LYST: variants seen among roughly 807,000 people sequenced by gnomAD.
LYST encodes the protein lysosomal trafficking regulator, also known as lysosomal-trafficking regulator.
Under a neutral mutation model 413.6 loss-of-function variants are expected in LYST, and 192 were observed. The observed-to-expected ratio is 0.46, with a 90% CI of 0.41 to 0.52. The LOEUF (loss-of-function observed/expected upper bound fraction) is 0.52, where lower values mean the gene tolerates loss of function less well. Among genes scored for constraint, LYST ranks in the 20% least tolerant of loss-of-function variants. The probability of loss-of-function intolerance (pLI) is 0.00; values close to 1 mark genes in which losing one functional copy is unlikely to be tolerated. For synonymous variants in LYST, 1,525 were observed against 1,567.3 expected (o/e 0.97, Z 0.64); for missense variants, 3,815 against 4,499.9 (o/e 0.85, Z 4.35).
At chr1:235,732,676 G>A (rs1370751011) in intron 34 of LYST, among the ~76,000 whole-genome samples, 3 of 152,202 alleles carry the variant, frequency 2.0e-5, no homozygotes, top group African/African-American at 4.8e-5. Context: ...GGTATCTAGA[G>A]GTTCTAGAAA....
intron 31 of LYST, 77 bp downstream of exon 31, chr1:235,741,345 A>G (rs1227596560): frequency 4.1e-6 from 5 of 1,211,014 alleles, no homozygotes; most frequent in Non-Finnish European, 4.9e-6. Flanking sequence ...CATTCAGTTT[A>G]ATTTCAGTTC....
intron 31 of LYST, 167 bp from the exon 32 acceptor site, chr1:235,734,826 C>T (rs1664681196): frequency 1.8e-6 from 1 of 541,668 alleles, no homozygotes; most frequent in Non-Finnish European, 3.3e-6. Flanking sequence ...TGATTATGCA[C>T]TGAGTATTTG....
At chr1:235,706,456 T>C (rs1246814022) in intron 44 of LYST, among the ~76,000 whole-genome samples, 2 of 152,188 alleles carry the variant, frequency 1.3e-5, no homozygotes, top group African/African-American at 4.8e-5. Flanking sequence ...TGACATTCCA[T>C]TCCTCATCAA....
rs1439304604 is a variant in LYST at position 235,692,537 on chromosome 1, T to C, written c.10701+813A>G. Among the ~76,000 whole-genome samples, 3 of 151,538 alleles carry C rather than the reference T, an allele frequency of 2.0e-5. No homozygotes were observed. In the East Asian group the frequency reaches 6.0e-4, roughly 30 times the overall value. The stretch of plus-strand genomic sequence containing the variant: ...CTGGAATTACAGGAATGTGCCACCA[T>C]GCCTGGCTAATTTTTTTTGTATTTT... On this transcript the variant is annotated intron_variant, in intron 47 of 52. Coordinates refer to ENST00000389793, the MANE Select transcript of LYST (RefSeq NM_000081.4).
chr1:235,726,871 A>C, intron 38 of LYST, among the ~76,000 whole-genome samples: 1 of 152,190 alleles, frequency 6.6e-6, no homozygotes, highest in East Asian at 1.9e-4. Context: ...AAGGGGAAAA[A>C]CTGTCATCTT....
rs1194116562 is a variant in LYST at position 235,728,131 on chromosome 1, C to A, written c.9107G>T (p.Gly3036Val). 4 of 1,609,360 alleles carry A rather than the reference C, an allele frequency of 2.5e-6. No homozygotes were observed. ...TTCCACAAAATACATTCCACATTTACCTGCAGAAAGTAATTGGATATAAGG... is the reference window on the plus strand; with the variant it reads ...TTCCACAAAATACATTCCACATTTAACTGCAGAAAGTAATTGGATATAAGG... ...SRETAGELLL[G>V]KCGMYFVEDN... The change falls in exon 38 of 53, where the codon GGT (glycine) becomes GTT (valine). Residue 3036 changes from glycine (G) to valine (V), a missense_variant and splice_region_variant. By Grantham distance (109) the Gly-to-Val change is moderately radical (BLOSUM62 -3). This residue lies in a region of LYST where 866 missense variants were observed against 1,156.0 expected (regional missense o/e 0.75). Transcript: ENST00000389793.
Position 235,791,721 on chromosome 1 carries a change from T to G in LYST, c.4521A>C (p.Pro1507=). The change falls in exon 12 of 53, where the codon CCA becomes CCC. Residue 1507 remains proline (P), a synonymous_variant. Transcript: ENST00000389793. ...TACCTGTACCATCAAAACTGCTATC[T>G]GGTAAAATTAATGATTTGTTTCTTT... is the stretch of plus-strand genomic sequence containing the variant. ...IKKRNKSLIL[P]DSSFDGTESD... is the part of the protein sequence containing the mutation. 6.2e-7 allele frequency: 1 copy of G among 1,612,622 alleles called. No individual in the cohort carries two copies. Among genetic ancestry groups the G allele is most frequent in the Non-Finnish European group, 8.5e-7 (1 of 1,178,878 alleles).
At position 235,830,364 on chromosome 1, in the gene LYST, C is replaced by T. The variant is rs779559728; in HGVS notation, c.54G>A (p.Arg18=). ...CCCTCTGGACCACTGCATTGCAAAG[C>T]CGGTTGACATCGGTCAGAAATTCAC... is the stretch of plus-strand genomic sequence containing the variant. ...LAREFLTDVN[R]LCNAVVQRVE... Residue 18 remains arginine, a synonymous_variant, in exon 3 of 53, where the codon CGG becomes CGA. Transcript: ENST00000389793. 1.7e-5 allele frequency: 28 copies of T among 1,613,654 alleles called. No individual in the cohort carries two copies. The highest frequency in any genetic ancestry group is 2.2e-5 in the Non-Finnish European group (26 of 1,179,908).
chr1:235,663,183 C>T (rs1658171964), intron 52 of LYST, 105 bp from the exon 53 acceptor site: 7 of 779,814 alleles, frequency 9.0e-6, no homozygotes, highest in South Asian at 2.8e-5. Flanking sequence ...TCTTCAGTGG[C>T]GCAGAGAGAC....
At chr1:235,720,539 G>A in intron 40 of LYST, 122 bp downstream of exon 40, 1 of 943,922 alleles carries the variant, frequency 1.1e-6, no homozygotes, top group Non-Finnish European at 1.7e-6. Flanking sequence ...TGATAGGTAT[G>A]TGGGGTCTTA....
At chr1:235,798,562 G>A (rs1671815074) in intron 10 of LYST, among the ~76,000 whole-genome samples, 2 of 99,922 alleles carry the variant, frequency 2.0e-5, no homozygotes, top group Non-Finnish European at 3.7e-5. Context: ...TTGGCGACAA[G>A]GGCAAAACCC....
intron 1 of LYST, among the ~76,000 whole-genome samples, chr1:235,851,455 A>G (rs930015144): frequency 1.6e-4 from 24 of 152,074 alleles, no homozygotes; most frequent in Non-Finnish European, 3.2e-4. Context: ...GGTACAGTGT[A>G]TACTGCTTGG....
rs1354733586 is a variant in LYST at position 235,731,237 on chromosome 1, A to G, written c.8802-60T>C. ...ACCATCCAGGACTTGTAGCTATAAA[A>G]AAAATCATTATAGAGATTGAGTAAG... On this transcript the variant is annotated intron_variant, in intron 34 of 52. Transcript: ENST00000389793. The G allele has an allele frequency of 2.1e-6, 3 of 1,461,346 alleles. No individual in the cohort carries two copies. In the African/African-American group the frequency reaches 4.2e-5, roughly 20 times the overall value. 90.5% of individuals were successfully genotyped at this position (1,461,346 alleles called of 1,614,324 possible).
Position 235,702,534 on chromosome 1 carries a change from CT to C in LYST, c.10374+212del, listed in dbSNP as rs558525345. Reference sequence around the variant, plus strand: ...AGGTTACCGTCTGAAACGATGAATTCTTTTTTCCTCTGAGCTCCCCAAAGCA... The same window carrying C: ...AGGTTACCGTCTGAAACGATGAATTCTTTTTCCTCTGAGCTCCCCAAAGCA... On this transcript the variant is annotated intron_variant, in intron 45 of 52. Transcript: ENST00000389793. Among the ~76,000 whole-genome samples, 8 of 152,296 alleles carry C rather than the reference CT, an allele frequency of 5.3e-5. No homozygotes were observed. In the East Asian group the frequency reaches 1.5e-3, roughly 29 times the overall value.
intron 1 of LYST, among the ~76,000 whole-genome samples, chr1:235,859,515 T>A (rs550460487): frequency 3.4e-4 from 52 of 151,274 alleles, no homozygotes; most frequent in South Asian, 2.3e-3. Flanking sequence ...TTTTTTTTTT[T>A]AAATGTATCT....
chr1:235,835,275 G>A (rs549109869), intron 1 of LYST, among the ~76,000 whole-genome samples: 2 of 152,174 alleles, frequency 1.3e-5, no homozygotes, highest in South Asian at 4.2e-4. Context: ...TAAAATTATG[G>A]AAGGGAAATT....
At chr1:235,706,935 A>G (rs1020883998) in intron 44 of LYST, among the ~76,000 whole-genome samples, 10 of 152,238 alleles carry the variant, frequency 6.6e-5, no homozygotes, top group African/African-American at 2.4e-4. Context: ...ATAAGCTCAG[A>G]TATGGAGTGG....
chr1:235,665,472 G>A (rs1340982853), intron 50 of LYST, among the ~76,000 whole-genome samples: 1 of 151,650 alleles, frequency 6.6e-6, no homozygotes, highest in African/African-American at 2.4e-5. Flanking sequence ...ATTAGCCAGG[G>A]GTGGTGGCGG....
chr1:235,774,117 A>G, intron 18 of LYST, 126 bp from the exon 19 acceptor site: 1 of 694,878 alleles, frequency 1.4e-6, no homozygotes, highest in South Asian at 1.7e-5. Context: ...ATAATTTAAC[A>G]CTTCACAAAG....
Sources: gnomAD v4.1 joint callset for allele counts (sites outside exome capture counted in the v4.1 genomes callset) on GRCh38, gnomAD v4.1.1 for gene constraint, gnomAD v4.1.1 regional missense constraint, MANE v1.5 for transcripts, NCBI Gene and HGNC (gene_info 2026-07-23, HGNC 2026-07-21) for gene names.